EPHA6: variants seen among roughly 807,000 people sequenced by gnomAD.
The protein encoded by EPHA6 is ephrin type-A receptor 6.
EPHA6 carries 50 observed loss-of-function variants against 112.0 expected under a neutral mutation model. The observed-to-expected ratio is 0.45, with a 90% CI of 0.36 to 0.56. The LOEUF (loss-of-function observed/expected upper bound fraction) is 0.56, where lower values mean the gene tolerates loss of function less well. Among genes scored for constraint, EPHA6 ranks in the 20% least tolerant of loss-of-function variants. The pLI, the probability that EPHA6 is intolerant of heterozygous loss-of-function variation, is 0.00. For missense variants in EPHA6, 1,280 were observed against 1,417.4 expected, an observed-to-expected ratio of 0.90 and a Z score of 1.56; for synonymous variants, 529 against 490.7, an observed-to-expected ratio of 1.08 and a Z score of -1.03.
chr3:97,729,091 T>TTAA (rs2034913439), intron 15 of EPHA6, among the ~76,000 whole-genome samples: 1 of 152,090 alleles, frequency 6.6e-6, no homozygotes, highest in African/African-American at 2.4e-5. Context: ...GAAGAAAATC[T>TTAA]GAAAAAGAAA....
intron 3 of EPHA6, among the ~76,000 whole-genome samples, chr3:97,176,098 A>G (rs2076827816): frequency 6.6e-6 from 1 of 151,746 alleles, no homozygotes; most frequent in African/African-American, 2.4e-5. Flanking sequence ...TTTTTTGAGG[A>G]TTTTTATCAT....
At chr3:97,003,203 G>A (rs1328591553) in intron 3 of EPHA6, among the ~76,000 whole-genome samples, 1 of 152,160 alleles carries the variant, frequency 6.6e-6, no homozygotes, top group African/African-American at 2.4e-5. Context: ...TGCCTCCTGG[G>A]TTCAAGAGAT....
At chr3:97,549,353 G>A (rs1577737222) in intron 11 of EPHA6, among the ~76,000 whole-genome samples, 1 of 152,036 alleles carries the variant, frequency 6.6e-6, no homozygotes, top group Non-Finnish European at 1.5e-5. Flanking sequence ...TGATTGACTT[G>A]CAAACACTAA....
chr3:97,480,124 A>T (rs2091486778), intron 9 of EPHA6, among the ~76,000 whole-genome samples: 1 of 152,170 alleles, frequency 6.6e-6, no homozygotes, highest in Admixed American at 6.5e-5. Flanking sequence ...ATTTCAATCT[A>T]TACCACCCTC....
At chr3:97,284,344 AAGAG>A (rs1448161584) in intron 5 of EPHA6, among the ~76,000 whole-genome samples, 1 of 152,144 alleles carries the variant, frequency 6.6e-6, no homozygotes, top group Non-Finnish European at 1.5e-5. Flanking sequence ...TTTATGCAAA[AAGAG>A]AGAAAGGCTT....
At chr3:97,587,384 G>A (rs955074453) in intron 11 of EPHA6, among the ~76,000 whole-genome samples, 2 of 151,922 alleles carry the variant, frequency 1.3e-5, no homozygotes, top group Admixed American at 6.6e-5. Context: ...TCATATATAT[G>A]TTCTGCCTTA....
intron 6 of EPHA6, chr3:97,439,529 AGACAACAACTCTGTTGGTT>A: frequency 1.7e-6 from 1 of 596,110 alleles, no homozygotes; most frequent in Admixed American, 6.2e-5. Context: ...ATGCGAGAAA[AGACAACAACTCTGTTGGTT>A]GCCAACAACA....
At chr3:96,961,269 G>A (rs968378222) in intron 2 of EPHA6, among the ~76,000 whole-genome samples, 1 of 152,172 alleles carries the variant, frequency 6.6e-6, no homozygotes, top group Non-Finnish European at 1.5e-5. Flanking sequence ...GTTCTCAAAT[G>A]TATCTATTCA....
At chr3:96,942,935 C>T (rs949143098) in intron 2 of EPHA6, among the ~76,000 whole-genome samples, 1 of 151,954 alleles carries the variant, frequency 6.6e-6, no homozygotes, top group South Asian at 2.1e-4. Context: ...ACTTACTGTG[C>T]AATTGCACAC....
chr3:97,446,603 C>A (rs1389843226), intron 6 of EPHA6, among the ~76,000 whole-genome samples: 1 of 152,066 alleles, frequency 6.6e-6, no homozygotes, highest in African/African-American at 2.4e-5. Context: ...TTATCTCAGT[C>A]ATCATTTCAC....
At chr3:97,705,780 C>G (rs1392845896) in intron 14 of EPHA6, among the ~76,000 whole-genome samples, 2 of 152,220 alleles carry the variant, frequency 1.3e-5, no homozygotes, top group African/African-American at 4.8e-5. Flanking sequence ...CCTCACTCCA[C>G]AATTGGATAA....
chr3:97,510,932 C>A (rs531564039), intron 10 of EPHA6, among the ~76,000 whole-genome samples: 4 of 152,200 alleles, frequency 2.6e-5, no homozygotes, highest in Non-Finnish European at 4.4e-5. Context: ...AGCAGCTTTG[C>A]GGAGTTGTGG....
chr3:97,449,334 C>T (rs2090452681), intron 7 of EPHA6, among the ~76,000 whole-genome samples: 1 of 152,016 alleles, frequency 6.6e-6, no homozygotes, highest in African/African-American at 2.4e-5. Flanking sequence ...TCTTTTTGGC[C>T]TTCAGAAATC....
intron 6 of EPHA6, among the ~76,000 whole-genome samples, chr3:97,411,113 G>C (rs148860345): frequency 0.013 from 1,890 of 151,172 alleles, 41 homozygotes; most frequent in African/African-American, 0.043. Context: ...GTGAGCATTT[G>C]GTACTAATTA....
At chr3:97,741,638 G>A (rs2035510229) in intron 16 of EPHA6, among the ~76,000 whole-genome samples, 1 of 152,058 alleles carries the variant, frequency 6.6e-6, no homozygotes, top group African/African-American at 2.4e-5. Context: ...GCAATAATGA[G>A]TAGATCAGGA....
At chr3:97,436,185 A>G (rs2089824862) in intron 6 of EPHA6, among the ~76,000 whole-genome samples, 1 of 152,154 alleles carries the variant, frequency 6.6e-6, no homozygotes, top group Admixed American at 6.6e-5. Context: ...ATTTGAAAAC[A>G]TTGGGTTATT....
intron 3 of EPHA6, among the ~76,000 whole-genome samples, chr3:97,189,910 T>TCAGAATCCCATGCTA (rs2077255202): frequency 2.0e-5 from 3 of 152,060 alleles, no homozygotes. Context: ...TTCCATGAGC[T>TCAGAATCCCATGCTA]CAGAATCCCA....
intron 3 of EPHA6, among the ~76,000 whole-genome samples, chr3:97,058,643 T>C (rs2045926741): frequency 6.6e-6 from 1 of 152,162 alleles, no homozygotes; most frequent in South Asian, 2.1e-4. Context: ...ATTGTTACTT[T>C]CAATATAGGT....
At chr3:97,728,053 A>G (rs1054127731) in intron 15 of EPHA6, among the ~76,000 whole-genome samples, 2 of 95,924 alleles carry the variant, frequency 2.1e-5, no homozygotes, top group Admixed American at 1.2e-4. Context: ...TGGAAGAAAT[A>G]TATTTACTAG....
Sources: gnomAD v4.1 joint callset for allele counts (sites outside exome capture counted in the v4.1 genomes callset) on GRCh38, gnomAD v4.1.1 for gene constraint, MANE v1.5 for transcripts, NCBI Gene and HGNC (gene_info 2026-07-23, HGNC 2026-07-21) for gene names.